Variants in SLC35F3 observed in about 807,000 individuals in gnomAD.
SLC35F3 encodes putative thiamine transporter SLC35F3.
A neutral mutation model predicts 49.9 loss-of-function variants in SLC35F3; 25 were observed. The observed-to-expected ratio is 0.50, with a 90% CI of 0.37 to 0.70. The LOEUF (loss-of-function observed/expected upper bound fraction) is 0.70, where lower values mean the gene tolerates loss of function less well. Among genes scored for constraint, SLC35F3 ranks in the 30% least tolerant of loss-of-function variants. The pLI, the probability that SLC35F3 is intolerant of heterozygous loss-of-function variation, is 0.00. For synonymous variants in SLC35F3, 275 were observed against 265.4 expected (o/e 1.04, Z -0.35); for missense variants, 525 against 639.8 (o/e 0.82, Z 1.94).
intron 2 of SLC35F3, among the ~76,000 whole-genome samples, chr1:234,085,261 G>T (rs1664943234): frequency 6.6e-6 from 1 of 152,214 alleles, no homozygotes; most frequent in South Asian, 2.1e-4. Flanking sequence ...TTTGGCAGAG[G>T]AATGCTTCAG....
At position 233,905,670 on chromosome 1, in the gene SLC35F3, C is replaced by A. The variant is rs145835583; in HGVS notation, c.195C>A (p.Ser65Arg). Residue 65 changes from serine (S) to arginine (R), a missense_variant, in exon 2 of 8, where the codon AGC becomes AGA. Physicochemically the swap from Ser to Arg is moderately radical, Grantham distance 110. Transcript: ENST00000366618. Reference protein sequence around the residue: ...KWSRSVEDLTSGPVGLTSIEE... With the variant: ...KWSRSVEDLTRGPVGLTSIEE... ...CGCGCTCCGTGGAGGATCTCACCAG[C>A]GGGCCGGTGGGGCTCACGTCCATCG... 2 of 1,614,188 alleles carry A rather than the reference C, an allele frequency of 1.2e-6. No individual in the cohort carries two copies. The highest frequency in any genetic ancestry group is 3.3e-5 in the Admixed American group (2 of 60,036).
chr1:234,285,451 A>G, intron 3 of SLC35F3: 1 of 418,666 alleles, frequency 2.4e-6, no homozygotes, highest in Non-Finnish European at 4.7e-6. Context: ...GGTCTGATTC[A>G]GCAAGTTGCA....
intron 2 of SLC35F3, among the ~76,000 whole-genome samples, chr1:234,150,348 G>A (rs1572070748): frequency 2.0e-5 from 3 of 151,302 alleles, no homozygotes; most frequent in Middle Eastern, 3.4e-3. Flanking sequence ...TGAAGACCTC[G>A]GAGTAGGAAG....
intron 2 of SLC35F3, among the ~76,000 whole-genome samples, chr1:234,137,208 G>A (rs1253290080): frequency 1.3e-5 from 2 of 152,200 alleles, no homozygotes; most frequent in Admixed American, 6.5e-5. Context: ...GTGTAACCTT[G>A]GGTAAAGCAG....
At chr1:234,199,815 T>TA (rs1666874509) in intron 2 of SLC35F3, among the ~76,000 whole-genome samples, 1 of 152,004 alleles carries the variant, frequency 6.6e-6, no homozygotes. Flanking sequence ...ATAATCCAAT[T>TA]AAAAAACGGG....
intron 2 of SLC35F3, among the ~76,000 whole-genome samples, chr1:234,110,010 G>A (rs928773903): frequency 2.6e-5 from 4 of 152,078 alleles, no homozygotes; most frequent in Admixed American, 6.5e-5. Context: ...AGTGAAGGAC[G>A]GAAAGTGAAG....
rs1664334204 is a variant in SLC35F3 at position 234,049,014 on chromosome 1, A to G, written c.283+143256A>G. Among the ~76,000 whole-genome samples, 12 of 152,360 alleles carry G rather than the reference A, an allele frequency of 7.9e-5. No homozygotes were observed. In the South Asian group the frequency reaches 2.1e-3, roughly 26 times the overall value. Reference sequence around the variant, plus strand: ...CAACTGGATAAGAATTTGCCTCAGCATGATTTCACCTTGAGTCTCAACTAT... The same window carrying G: ...CAACTGGATAAGAATTTGCCTCAGCGTGATTTCACCTTGAGTCTCAACTAT... On this transcript the variant is annotated intron_variant, in intron 2 of 7. Coordinates refer to ENST00000366618, the MANE Select transcript of SLC35F3 (RefSeq NM_173508.4).
intron 3 of SLC35F3, among the ~76,000 whole-genome samples, chr1:234,291,866 A>G (rs593941): frequency 0.96 from 146,404 of 152,288 alleles, 70,387 homozygotes; most frequent in East Asian, 0.99. Flanking sequence ...AAAGCCAAAA[A>G]TATTGGGAGC....
chr1:233,923,366 C>T (rs1289438545), intron 2 of SLC35F3, among the ~76,000 whole-genome samples: 1 of 152,144 alleles, frequency 6.6e-6, no homozygotes, highest in African/African-American at 2.4e-5. Context: ...CCCTTCACAT[C>T]CCTGTAAGTT....
intron 2 of SLC35F3, among the ~76,000 whole-genome samples, chr1:234,226,207 G>A (rs1032825107): frequency 6.6e-6 from 1 of 152,116 alleles, no homozygotes; most frequent in Non-Finnish European, 1.5e-5. Context: ...TAACTCTATA[G>A]ACCTTACTGA....
In SLC35F3 at chr1:234,323,264, G is replaced by A. The variant is rs2103000654; in HGVS notation, c.*21G>A. ...GCTAACACCACTCCTCTAGAACTCG[G>A]TGGTAATGACTGGGAGGTCTATTCC... On this transcript the variant is annotated 3_prime_UTR_variant, in exon 8 of 8. Coordinates refer to ENST00000366618, the MANE Select transcript of SLC35F3 (RefSeq NM_173508.4). This position sits in a 1 kb window ranked among gnomAD's most constrained non-coding sequence, Gnocchi z 4.5. The A allele has an allele frequency of 6.2e-7, 1 of 1,601,820 alleles. No individual in the cohort carries two copies.
intron 2 of SLC35F3, among the ~76,000 whole-genome samples, chr1:234,110,109 G>T (rs1294327280): frequency 1.2e-5 from 1 of 83,386 alleles, no homozygotes; most frequent in African/African-American, 4.0e-5. Context: ...TCAAGCTAGA[G>T]AATTGAGAAG....
chr1:234,267,031 C>T lies in SLC35F3; in HGVS notation c.608+35290C>T, dbSNP rs1375292064. Among the ~76,000 whole-genome samples, 78 of 139,688 alleles carry T rather than the reference C, an allele frequency of 5.6e-4. 1 individual carries two copies. Among genetic ancestry groups the T allele is most frequent in the African/African-American group, 2.0e-3 (75 of 37,030 alleles). 91.6% of individuals were successfully genotyped at this position (139,688 alleles called of 152,430 possible). On this transcript the variant is annotated intron_variant, in intron 3 of 7. Transcript: ENST00000366618. ...CTAGGCAGAGGACCCTGCGGCCTTC[C>T]GCAGTGTTTGTGTCCCTGGGTACTT... is the stretch of plus-strand genomic sequence containing the variant.
At chr1:234,055,637 C>G (rs546903663) in intron 2 of SLC35F3, among the ~76,000 whole-genome samples, 19 of 152,318 alleles carry the variant, frequency 1.2e-4, no homozygotes, top group African/African-American at 4.6e-4. Context: ...TACTTCAGCT[C>G]ATGCTCCAGG....
intron 2 of SLC35F3, among the ~76,000 whole-genome samples, chr1:234,067,110 A>T (rs1395760875): frequency 2.0e-5 from 3 of 152,172 alleles, no homozygotes; most frequent in African/African-American, 7.2e-5. Flanking sequence ...ATCATTTGTT[A>T]TATCCCATTT....
At chr1:234,261,212 C>CAGA (rs1306333945) in intron 3 of SLC35F3, among the ~76,000 whole-genome samples, 1 of 151,914 alleles carries the variant, frequency 6.6e-6, no homozygotes, top group Non-Finnish European at 1.5e-5. Flanking sequence ...GGTGAGTTTA[C>CAGA]AGAATAAAGT....
At chr1:234,171,555 G>A (rs931672584) in intron 2 of SLC35F3, among the ~76,000 whole-genome samples, 10 of 152,154 alleles carry the variant, frequency 6.6e-5, no homozygotes, top group Admixed American at 2.6e-4. Flanking sequence ...ATCAAGGAAA[G>A]AGCCTGAGAA....
intron 2 of SLC35F3, among the ~76,000 whole-genome samples, chr1:234,103,604 A>AAG (rs1289671625): frequency 1.3e-5 from 2 of 152,124 alleles, no homozygotes; most frequent in African/African-American, 4.8e-5. Flanking sequence ...TAGCTCTTAT[A>AAG]ATGATTCAGA....
chr1:233,993,123 G>A (rs1367208448), intron 2 of SLC35F3, among the ~76,000 whole-genome samples: 4 of 152,080 alleles, frequency 2.6e-5, no homozygotes, highest in African/African-American at 7.2e-5. Context: ...GCTGTCCACC[G>A]TGCCCGGCTA....
Sources: gnomAD v4.1 joint callset for allele counts (sites outside exome capture counted in the v4.1 genomes callset) on GRCh38, gnomAD v4.1.1 for gene constraint, Gnocchi (gnomAD v3.1) non-coding constraint, MANE v1.5 for transcripts, NCBI Gene and HGNC (gene_info 2026-07-23, HGNC 2026-07-21) for gene names.